TENM3: variants seen among roughly 807,000 people sequenced by gnomAD.
TENM3 encodes the protein teneurin-3.
Under a neutral mutation model 255.1 loss-of-function variants are expected in TENM3, and 63 were observed. The ratio of observed to expected loss-of-function variants is 0.25; its 90% CI spans 0.20 to 0.30. The LOEUF is 0.30. Ranked by LOEUF, TENM3 falls within the 10% of genes least tolerant of loss-of-function variation. The pLI, the probability that TENM3 is intolerant of heterozygous loss-of-function variation, is 1.00. For synonymous variants in TENM3, 1,306 were observed against 1,322.3 expected (o/e 0.99, Z 0.27); for missense variants, 2,929 against 3,461.1 (o/e 0.85, Z 3.86).
At chr4:181,609,839 T>C in the TENM3 span, among the ~76,000 whole-genome samples, 3 of 152,372 alleles carry the variant, frequency 2.0e-5, no homozygotes, top group South Asian at 6.2e-4. Context: ...CTGCAATATT[T>C]GAGCTCTATA....
the TENM3 span, among the ~76,000 whole-genome samples, chr4:181,797,199 C>G: frequency 6.6e-6 from 1 of 150,536 alleles, no homozygotes; most frequent in East Asian, 2.0e-4. Flanking sequence ...CCTCTCAATC[C>G]TAAAAGAAGT....
chr4:181,944,645 G>A, the TENM3 span, among the ~76,000 whole-genome samples: 345 of 152,140 alleles, frequency 2.3e-3, no homozygotes, highest in African/African-American at 7.8e-3. Context: ...TGTGATGGCC[G>A]GAGCCACCGT....
chr4:182,521,350 A>C (rs1418264914), intron 3 of TENM3, among the ~76,000 whole-genome samples: 1 of 152,232 alleles, frequency 6.6e-6, no homozygotes, highest in Non-Finnish European at 1.5e-5. Flanking sequence ...TCTCACACTG[A>C]CTTTAGTAGT....
chr4:182,718,561 C>T lies in TENM3; in HGVS notation c.2368+4328C>T, dbSNP rs1268684874. Among the ~76,000 whole-genome samples the T allele has an allele frequency of 2.0e-5, 3 of 152,168 alleles. No individual in the cohort carries two copies. The East Asian group carries it at 5.8e-4, about 29-fold the overall frequency. On this transcript the variant is annotated intron_variant, in intron 13 of 27. Coordinates refer to ENST00000511685, the MANE Select transcript of TENM3 (RefSeq NM_001080477.4). The stretch of plus-strand genomic sequence containing the variant: ...CTACTATGGGAATAAGAATAGTTCT[C>T]CACAGCATTCAGCTTTAGTACAGTC...
chr4:181,460,194 A>G, the TENM3 span, among the ~76,000 whole-genome samples: 1 of 152,032 alleles, frequency 6.6e-6, no homozygotes, highest in Admixed American at 6.6e-5. Context: ...TTTACTTATT[A>G]GTTCTGTGAA....
At chr4:181,825,692 A>G in the TENM3 span, among the ~76,000 whole-genome samples, 1 of 152,226 alleles carries the variant, frequency 6.6e-6, no homozygotes, top group Non-Finnish European at 1.5e-5. Context: ...AAACACAGTT[A>G]ACATAAGTGT....
chr4:181,678,138 A>T, the TENM3 span, among the ~76,000 whole-genome samples: 1 of 152,182 alleles, frequency 6.6e-6, no homozygotes, highest in Admixed American at 6.6e-5. Flanking sequence ...AACAAGAGAC[A>T]AGTTCTATGC....
chr4:182,502,774 C>G (rs1351732307), intron 3 of TENM3, among the ~76,000 whole-genome samples: 1 of 151,848 alleles, frequency 6.6e-6, no homozygotes, highest in African/African-American at 2.4e-5. Flanking sequence ...ATTTTCTTTC[C>G]TCATATGTCA....
At chr4:181,694,414 A>G in the TENM3 span, among the ~76,000 whole-genome samples, 61,935 of 152,098 alleles carry the variant, frequency 0.41, 14,707 homozygotes, top group South Asian at 0.51. Flanking sequence ...AGGGATAAAT[A>G]AAAACAATCC....
At chr4:182,669,723 TTAAAA>T (rs1353002319) in intron 6 of TENM3, among the ~76,000 whole-genome samples, 7 of 152,216 alleles carry the variant, frequency 4.6e-5, no homozygotes, top group African/African-American at 1.2e-4. Flanking sequence ...ACTTAGTAAT[TTAAAA>T]TAATATTTTT....
At chr4:182,119,349 A>G in the TENM3 span, among the ~76,000 whole-genome samples, 10 of 152,178 alleles carry the variant, frequency 6.6e-5, no homozygotes, top group African/African-American at 2.4e-4. Flanking sequence ...TAAAACTCAC[A>G]AAAGTGTGAA....
At chr4:182,014,527 G>A in the TENM3 span, among the ~76,000 whole-genome samples, 1 of 152,100 alleles carries the variant, frequency 6.6e-6, no homozygotes, top group Non-Finnish European at 1.5e-5. Flanking sequence ...GATTTTATGA[G>A]GAAAAGAAGA....
chr4:181,706,680 C>T, the TENM3 span, among the ~76,000 whole-genome samples: 35 of 152,242 alleles, frequency 2.3e-4, no homozygotes, highest in East Asian at 7.7e-4. Context: ...AAGCTGGTTC[C>T]GCATTGGTTG....
At chr4:181,533,500 G>A in the TENM3 span, among the ~76,000 whole-genome samples, 1 of 152,136 alleles carries the variant, frequency 6.6e-6, no homozygotes, top group Non-Finnish European at 1.5e-5. Flanking sequence ...CCTTAAGGAT[G>A]GATTGGTTTT....
intron 3 of TENM3, among the ~76,000 whole-genome samples, chr4:182,476,961 G>C (rs1024422050): frequency 3.3e-5 from 5 of 152,192 alleles, no homozygotes; most frequent in African/African-American, 1.2e-4. Context: ...GTTCAACACT[G>C]TTTATAAGGT....
At chr4:181,979,079 A>C in the TENM3 span, among the ~76,000 whole-genome samples, 1 of 131,920 alleles carries the variant, frequency 7.6e-6, no homozygotes, top group Non-Finnish European at 1.6e-5. Context: ...AGCAAAATAT[A>C]TGCTACATTA....
chr4:182,253,636 ATTTG>A (rs1758188059), intron 1 of TENM3, among the ~76,000 whole-genome samples: 1 of 152,134 alleles, frequency 6.6e-6, no homozygotes, highest in Non-Finnish European at 1.5e-5. Context: ...TCCTTGTAAT[ATTTG>A]TTTTTCTTAA....
chr4:181,723,446 G>C, the TENM3 span, among the ~76,000 whole-genome samples: 1 of 151,718 alleles, frequency 6.6e-6, no homozygotes, highest in African/African-American at 2.4e-5. Context: ...TAATCAGAAA[G>C]GAACATGGAG....
At chr4:181,675,614 G>A in the TENM3 span, among the ~76,000 whole-genome samples, 1 of 152,090 alleles carries the variant, frequency 6.6e-6, no homozygotes, top group African/African-American at 2.4e-5. Flanking sequence ...AAAGAGACAT[G>A]GCAGAGACAC....
Sources: gnomAD v4.1 joint callset for allele counts (sites outside exome capture counted in the v4.1 genomes callset) on GRCh38, gnomAD v4.1.1 for gene constraint, MANE v1.5 for transcripts, NCBI Gene and HGNC (gene_info 2026-07-23, HGNC 2026-07-21) for gene names.